Variants in SERPINI1 observed in about 807,000 individuals in gnomAD.
SERPINI1 encodes the protein serpin family I member 1.
In SERPINI1, 19 loss-of-function variants were observed where a neutral mutation model predicts 41.1. That is an observed-to-expected ratio of 0.46 (90% CI 0.32 to 0.68). The LOEUF (loss-of-function observed/expected upper bound fraction) is 0.68, where lower values mean the gene tolerates loss of function less well. SERPINI1 is among the 30% of genes least tolerant of loss of function. SERPINI1 has a pLI of 0.03. For synonymous variants in SERPINI1, 138 were observed against 156.6 expected (o/e 0.88, Z 0.89); for missense variants, 460 against 479.2 (o/e 0.96, Z 0.37).
Position 167,789,091 on chromosome 3 carries a change from T to C in SERPINI1, c.-18-20T>C, listed in dbSNP as rs754040967. Reference sequence around the variant, plus strand: ...TTATAGAGATAACTAATAATTAATATGTAAATTGTTGTTTTTTAGGCTTGA... The same window carrying C: ...TTATAGAGATAACTAATAATTAATACGTAAATTGTTGTTTTTTAGGCTTGA... On this transcript the variant is annotated intron_variant, in intron 1 of 8. Transcript: ENST00000446050. 4.0e-5 allele frequency: 65 copies of C among 1,608,070 alleles called. No individual in the cohort carries two copies. The highest frequency in any genetic ancestry group is 1.9e-4 in the Middle Eastern group (1 of 5,360).
intron 2 of SERPINI1, among the ~76,000 whole-genome samples, chr3:167,789,818 A>C (rs1180442104): frequency 6.6e-6 from 1 of 152,142 alleles, no homozygotes; most frequent in Admixed American, 6.6e-5. Context: ...TTTTTTTTGA[A>C]GTGTTATCTT....
At chr3:167,801,907 T>C (rs867837806) in intron 5 of SERPINI1, among the ~76,000 whole-genome samples, 3 of 152,206 alleles carry the variant, frequency 2.0e-5, no homozygotes, top group Non-Finnish European at 2.9e-5. Context: ...TTGCAACCTA[T>C]GTGGTTTGCT....
At chr3:167,789,895 G>A (rs771932397) in intron 2 of SERPINI1, among the ~76,000 whole-genome samples, 1 of 152,092 alleles carries the variant, frequency 6.6e-6, no homozygotes, top group Non-Finnish European at 1.5e-5. Flanking sequence ...ACTTTGACAT[G>A]ATGTTTGATT....
chr3:167,758,398 C>CA (rs1726258660), intron 1 of SERPINI1, among the ~76,000 whole-genome samples: 1 of 152,002 alleles, frequency 6.6e-6, no homozygotes, highest in African/African-American at 2.4e-5. Context: ...TCTACTGACA[C>CA]AAAAAATAAT....
At position 167,825,545 on chromosome 3, in the gene SERPINI1, A is replaced by G; in HGVS notation, c.*222A>G. ...TTGTGTTTGTGTGCTGTTGTTTAAA[A>G]TAAAAGTACCTATTGAACATGTGAC... On this transcript the variant is annotated 3_prime_UTR_variant, in exon 9 of 9. Coordinates refer to ENST00000446050, the MANE Select transcript of SERPINI1 (RefSeq NM_001122752.2). The G allele has an allele frequency of 2.0e-6, 1 of 507,490 alleles. No homozygotes were observed. The highest frequency in any genetic ancestry group is 2.5e-5 in the South Asian group (1 of 40,586). The allele number at this position is 507,490 out of a possible 1,614,324, so 31.4% of individuals were successfully genotyped here. A position where few individuals can be genotyped will look rare whatever the true frequency, so the allele number is the denominator to read the frequency against.
chr3:167,818,280 A>T (rs1170057899), intron 6 of SERPINI1, among the ~76,000 whole-genome samples: 8 of 148,476 alleles, frequency 5.4e-5, no homozygotes, highest in Non-Finnish European at 1.2e-4. Context: ...TGCCCACCTT[A>T]GCCTCCCAAA....
chr3:167,766,533 C>T (rs537698331), intron 1 of SERPINI1, among the ~76,000 whole-genome samples: 1 of 152,314 alleles, frequency 6.6e-6, no homozygotes, highest in African/African-American at 2.4e-5. Flanking sequence ...GACACAGAGC[C>T]AAACCATATC....
chr3:167,737,199 G>A (rs1041422593), intron 1 of SERPINI1, among the ~76,000 whole-genome samples: 5 of 151,892 alleles, frequency 3.3e-5, no homozygotes, highest in African/African-American at 1.2e-4. Context: ...TGCTACTACC[G>A]ATAAGCCTAA....
intron 1 of SERPINI1, among the ~76,000 whole-genome samples, chr3:167,785,246 A>C (rs1252975357): frequency 6.6e-6 from 1 of 152,214 alleles, no homozygotes; most frequent in African/African-American, 2.4e-5. Flanking sequence ...GTGTCTCAAA[A>C]AAAAAGAGTG....
chr3:167,736,712 G>A (rs1340439194), intron 1 of SERPINI1, among the ~76,000 whole-genome samples: 2 of 152,072 alleles, frequency 1.3e-5, no homozygotes, highest in Non-Finnish European at 2.9e-5. Context: ...TTTATTCTCG[G>A]TATTAAACTA....
chr3:167,745,865 A>C lies in SERPINI1; in HGVS notation c.-19+10042A>C, dbSNP rs186297814. 7.9e-5 allele frequency among the ~76,000 whole-genome samples: 12 copies of C among 152,302 alleles called. No individual in the cohort carries two copies. In the East Asian group the frequency reaches 2.3e-3, roughly 29 times the overall value. ...AATTTAACAAAAATGCAAGAATTTTACAACAAAAACACCAAATGATGTACA... is the reference window on the plus strand; with the variant it reads ...AATTTAACAAAAATGCAAGAATTTTCCAACAAAAACACCAAATGATGTACA... On this transcript the variant is annotated intron_variant, in intron 1 of 8. Transcript: ENST00000446050.
chr3:167,792,635 C>T lies in SERPINI1; in HGVS notation c.527C>T (p.Thr176Ile). 1 of 1,613,706 alleles carries T rather than the reference C, an allele frequency of 6.2e-7. No homozygotes were observed. The highest frequency in any genetic ancestry group is 1.7e-4 in the Middle Eastern group (1 of 6,054). Reference protein sequence around the residue: ...LVSPRDFDAATYLALINAVYF... With the variant: ...LVSPRDFDAAIYLALINAVYF... ...TCCCCAAGGGATTTTGATGCTGCCA[C>T]TTATCTGGCCCTCATTAATGCTGTC... is the stretch of plus-strand genomic sequence containing the variant. The change falls in exon 4 of 9, where the codon ACT becomes ATT. Residue 176 changes from threonine to isoleucine, a missense_variant. Transcript: ENST00000446050.
At chr3:167,795,014 T>C (rs926157474) in intron 5 of SERPINI1, among the ~76,000 whole-genome samples, 190 bp downstream of exon 5, 14 of 152,268 alleles carry the variant, frequency 9.2e-5, no homozygotes, top group African/African-American at 3.4e-4. Context: ...TATTCTTTCA[T>C]AGTCATTTCT....
At chr3:167,803,130 G>A (rs986546961) in intron 5 of SERPINI1, among the ~76,000 whole-genome samples, 3 of 151,884 alleles carry the variant, frequency 2.0e-5, no homozygotes, top group African/African-American at 7.3e-5. Flanking sequence ...ACTGTTGTGG[G>A]GTTGGGGGAG....
chr3:167,744,941 G>A (rs1363156011), intron 1 of SERPINI1, among the ~76,000 whole-genome samples: 2 of 145,818 alleles, frequency 1.4e-5, no homozygotes, highest in African/African-American at 5.1e-5. Context: ...TATAAGTTAA[G>A]ATACTTTCTC....
At chr3:167,800,534 T>G (rs1727865699) in intron 5 of SERPINI1, among the ~76,000 whole-genome samples, 1 of 152,170 alleles carries the variant, frequency 6.6e-6, no homozygotes, top group Non-Finnish European at 1.5e-5. Flanking sequence ...TATAAAAAGA[T>G]TTTTCTAAAG....
rs146802209 is a variant in SERPINI1 at position 167,779,566 on chromosome 3, C to G, written c.-18-9545C>G. Among the ~76,000 whole-genome samples the G allele has an allele frequency of 2.2e-4, 34 of 152,258 alleles. 1 individual carries two copies. The highest frequency in any genetic ancestry group is 7.7e-4 in the African/African-American group (32 of 41,552). ...AATTGTTCAAAGAAAACTTCAAAAC[C>G]CATAGAGTCAGATAACCTAGAAATG... On this transcript the variant is annotated intron_variant, in intron 1 of 8. Coordinates refer to ENST00000446050, the MANE Select transcript of SERPINI1 (RefSeq NM_001122752.2).
chr3:167,798,874 C>T (rs1302831644), intron 5 of SERPINI1, among the ~76,000 whole-genome samples: 1 of 152,084 alleles, frequency 6.6e-6, no homozygotes, highest in Non-Finnish European at 1.5e-5. Context: ...GGTGGAAAAA[C>T]TATTGGGTGC....
intron 1 of SERPINI1, among the ~76,000 whole-genome samples, chr3:167,781,612 C>T (rs1727127311): frequency 7.5e-6 from 1 of 132,638 alleles, no homozygotes; most frequent in Non-Finnish European, 1.6e-5. Context: ...TTAGGCATTT[C>T]TCCCTAGTTA....
Sources: allele counts gnomAD v4.1 joint callset (sites outside exome capture counted in the v4.1 genomes callset), GRCh38; gene constraint gnomAD v4.1.1; transcripts MANE v1.5; gene names NCBI Gene and HGNC (gene_info 2026-07-23, HGNC 2026-07-21).